Variants in CFAP52 observed in about 807,000 individuals in gnomAD.
The protein encoded by CFAP52 is cilia- and flagella-associated protein 52.
In CFAP52, 57 loss-of-function variants were observed where a neutral mutation model predicts 70.5. That is an observed-to-expected ratio of 0.81 (90% confidence interval 0.65 to 1.01). CFAP52 has a LOEUF of 1.01. CFAP52 is among the 50% of genes least tolerant of loss of function. CFAP52 has a pLI of 0.00. For synonymous variants in CFAP52, 267 were observed against 292.5 expected, an observed-to-expected ratio of 0.91 and a Z score of 0.89; for missense variants, 785 against 788.5, an observed-to-expected ratio of 1.00 and a Z score of 0.05.
chr17:9,644,478 C>T (rs561069764), downstream of CFAP52, among the ~76,000 whole-genome samples: 1 of 152,108 alleles, frequency 6.6e-6, no homozygotes, highest in South Asian at 2.1e-4. Flanking sequence ...TAGAATACTG[C>T]ATCTCACATG....
At chr17:9,585,321 A>G (rs1908403357) in intron 1 of CFAP52, among the ~76,000 whole-genome samples, 1 of 152,212 alleles carries the variant, frequency 6.6e-6, no homozygotes, top group African/African-American at 2.4e-5. Flanking sequence ...CGTTTTTGTC[A>G]GTGAAATAAA....
intron 4 of CFAP52, 102 bp downstream of exon 4, chr17:9,594,423 G>A (rs1433495392): frequency 2.9e-6 from 4 of 1,395,810 alleles, no homozygotes; most frequent in Non-Finnish European, 3.8e-6. Context: ...CTTTAGTCCT[G>A]GATAAATACC....
Position 9,582,997 on chromosome 17 carries a change from G to T in CFAP52, c.71-2776G>T, listed in dbSNP as rs894800971. Among the ~76,000 whole-genome samples the T allele has an allele frequency of 2.6e-5, 4 of 152,154 alleles. No individual in the cohort carries two copies. The East Asian group carries it at 5.8e-4, about 22-fold the overall frequency. ...ATTTCAGCCTTTTCTTTTATGATTT[G>T]CTCTTTTTGTGTCATAGTTGGAAAG... On this transcript the variant is annotated intron_variant, in intron 1 of 13. Transcript: ENST00000352665.
intron 3 of CFAP52, among the ~76,000 whole-genome samples, chr17:9,589,471 G>A (rs1908644266): frequency 6.6e-6 from 1 of 152,046 alleles, no homozygotes; most frequent in Non-Finnish European, 1.5e-5. Flanking sequence ...GGCAGCTCAC[G>A]CCTGAAATCC....
intron 9 of CFAP52, among the ~76,000 whole-genome samples, chr17:9,629,837 G>T (rs113605539): frequency 6.6e-6 from 1 of 151,804 alleles, no homozygotes. Flanking sequence ...CAATCCACCC[G>T]CCTCGGCCTC....
At chr17:9,581,094 A>C (rs897371174) in intron 1 of CFAP52, among the ~76,000 whole-genome samples, 1 of 152,356 alleles carries the variant, frequency 6.6e-6, no homozygotes, top group Non-Finnish European at 1.5e-5. Context: ...AGGCGGGTGG[A>C]TCACGAGGTC....
At position 9,635,504 on chromosome 17, in the gene CFAP52, G is replaced by A. The variant is rs188786345; in HGVS notation, c.1420G>A (p.Glu474Lys). Residue 474 changes from glutamate to lysine, a missense_variant, in exon 11 of 14, where the codon GAG becomes AAG. By Grantham distance (56) the Glu-to-Lys change is moderately conservative (BLOSUM62 1). Coordinates refer to ENST00000352665, the MANE Select transcript of CFAP52 (RefSeq NM_145054.5). ...VSCIRVKRNNEECVTASTDGT... is the reference protein window; with the variant it reads ...VSCIRVKRNNKECVTASTDGT... Reference sequence around the variant, plus strand: ...CTGCATTAGGGTGAAGAGGAACAACGAGGAGTGTGTCACCGCCAGCACCGA... The same window carrying A: ...CTGCATTAGGGTGAAGAGGAACAACAAGGAGTGTGTCACCGCCAGCACCGA... 1.6e-4 allele frequency: 256 copies of A among 1,614,202 alleles called. 1 individual carries two copies. The East Asian group carries it at 3.5e-3, about 22-fold the overall frequency.
rs753655355 is a variant in CFAP52 at position 9,632,962 on chromosome 17, A to G, written c.1249A>G (p.Arg417Gly). ...RLMYVINNAHRIGVTAIATTS... is the reference protein window; with the variant it reads ...RLMYVINNAHGIGVTAIATTS... ...GATGTATGTCATTAACAATGCTCAC[A>G]GGATCGGCGTCACCGCCATCGCCAC... Residue 417 changes from arginine to glycine, a missense_variant, in exon 10 of 14, where the codon AGG becomes GGG. Physicochemically the swap from Arg to Gly is moderately radical, Grantham distance 125. Transcript: ENST00000352665. 11 of 1,614,254 alleles carry G rather than the reference A, an allele frequency of 6.8e-6. No individual in the cohort carries two copies. Among genetic ancestry groups the G allele is most frequent in the South Asian group, 4.4e-5 (4 of 91,080 alleles).
intron 6 of CFAP52, among the ~76,000 whole-genome samples, chr17:9,603,583 A>G (rs1005716294): frequency 7.9e-5 from 12 of 152,228 alleles, no homozygotes; most frequent in Admixed American, 7.9e-4. Context: ...AATTTGAACT[A>G]TAGATTTACT....
At chr17:9,644,287 T>C (rs1322297080), downstream of CFAP52, among the ~76,000 whole-genome samples, 2 of 152,138 alleles carry the variant, frequency 1.3e-5, no homozygotes, top group Admixed American at 1.3e-4. Context: ...GTATTTTTAG[T>C]CGAGACGGGG....
intron 11 of CFAP52, 55 bp from the exon 12 acceptor site, chr17:9,638,554 A>G: frequency 6.4e-7 from 1 of 1,558,862 alleles, no homozygotes; most frequent in Non-Finnish European, 8.8e-7. Context: ...AATAGTGAAT[A>G]AATTTCCTAG....
rs759717013 is a variant in CFAP52 at position 9,598,239 on chromosome 17, C to A, written c.542C>A (p.Thr181Lys). ...DEMFMTAGNG[T>K]IRVWELDLPN... ...TGTTTTTTTTTTTTACATAGTGGGA[C>A]AATTCGAGTATGGGAATTGGATCTT... Residue 181 changes from threonine to lysine, a missense_variant, in exon 5 of 14, where the codon ACA becomes AAA. By Grantham distance (78) the Thr-to-Lys change is moderately conservative. Coordinates refer to ENST00000352665, the MANE Select transcript of CFAP52 (RefSeq NM_145054.5). 2 of 1,604,788 alleles carry A rather than the reference C, an allele frequency of 1.2e-6. No homozygotes were observed. Among genetic ancestry groups the A allele is most frequent in the South Asian group, 1.1e-5 (1 of 90,328 alleles).
chr17:9,581,644 A>G (rs916186630), intron 1 of CFAP52, among the ~76,000 whole-genome samples: 1 of 152,124 alleles, frequency 6.6e-6, no homozygotes, highest in African/African-American at 2.4e-5. Context: ...AAGAGAGCAA[A>G]GAATATGAAT....
At chr17:9,590,013 G>A (rs1908674702) in intron 3 of CFAP52, 1 of 161,912 alleles carries the variant, frequency 6.2e-6, no homozygotes, top group African/African-American at 2.4e-5. Flanking sequence ...GTGGGCCTGA[G>A]CCTGTTCAGC....
intron 8 of CFAP52, among the ~76,000 whole-genome samples, chr17:9,627,796 A>G (rs370564522): frequency 2.6e-5 from 4 of 151,272 alleles, no homozygotes; most frequent in African/African-American, 9.7e-5. Flanking sequence ...TCATAGCTCA[A>G]TGCAGTCTCC....
chr17:9,624,948 A>G (rs575324329), intron 8 of CFAP52, among the ~76,000 whole-genome samples: 4 of 152,078 alleles, frequency 2.6e-5, no homozygotes, highest in Non-Finnish European at 5.9e-5. Flanking sequence ...CCAAGGGTTT[A>G]TGCAGAGATG....
At chr17:9,645,184 C>G (rs189996131), downstream of CFAP52, 1 of 152,820 alleles carries the variant, frequency 6.5e-6, no homozygotes, top group Non-Finnish European at 1.5e-5. The surrounding 1 kb of genome is among the most constrained non-coding windows in gnomAD (Gnocchi z 6.8). Context: ...CGAGGCTGTG[C>G]TCTGGAGATG....
In CFAP52 at chr17:9,641,799, A is replaced by G. The variant is rs1205189974; in HGVS notation, c.1651A>G (p.Met551Val). The G allele has an allele frequency of 6.2e-7, 1 of 1,614,010 alleles. No individual in the cohort carries two copies. Among genetic ancestry groups the G allele is most frequent in the Non-Finnish European group, 8.5e-7 (1 of 1,179,886 alleles). The change falls in exon 13 of 14, where the codon ATG becomes GTG. Residue 551 changes from methionine to valine, a missense_variant. Transcript: ENST00000352665. The part of the protein sequence containing the change: ...EGSLSGSING[M>V]DITQEGVHFV... ...TTCCCTGTCTGGGTCGATAAATGGC[A>G]TGGATATCACACAGGAAGGGGTGCA...
At chr17:9,605,095 T>C (rs1909431730) in intron 6 of CFAP52, among the ~76,000 whole-genome samples, 1 of 152,116 alleles carries the variant, frequency 6.6e-6, no homozygotes, top group South Asian at 2.1e-4. Flanking sequence ...CTCCTTGCTA[T>C]TTACCCAAAG....
Sources: allele counts gnomAD v4.1 joint callset (sites outside exome capture counted in the v4.1 genomes callset), GRCh38; gene constraint gnomAD v4.1.1; non-coding constraint Gnocchi (gnomAD v3.1); transcripts MANE v1.5; gene names NCBI Gene and HGNC (gene_info 2026-07-23, HGNC 2026-07-21).